The following IGF1R variants were observed in gnomAD, a reference collection of about 807,000 sequenced individuals.
The protein encoded by IGF1R is insulin-like growth factor 1 receptor.
A neutral mutation model predicts 144.6 loss-of-function variants in IGF1R; 44 were observed. That is an observed-to-expected ratio of 0.30 (90% confidence interval 0.24 to 0.39). The LOEUF is 0.39. IGF1R is among the 10% of genes least tolerant of loss of function. IGF1R has a pLI of 1.00. For synonymous variants in IGF1R, 795 were observed against 722.8 expected (o/e 1.10, Z -1.60); for missense variants, 1,355 against 1,833.7 (o/e 0.74, Z 4.77).
intron 1 of IGF1R, among the ~76,000 whole-genome samples, chr15:98,666,266 G>C (rs2052735499): frequency 6.6e-6 from 1 of 152,040 alleles, no homozygotes; most frequent in African/African-American, 2.4e-5. Flanking sequence ...TGCCTTACTG[G>C]TGAGACTGTT....
chr15:98,690,104 G>A (rs1266472188), intron 1 of IGF1R, among the ~76,000 whole-genome samples: 1 of 152,182 alleles, frequency 6.6e-6, no homozygotes. Flanking sequence ...CACTTTGGGA[G>A]ACTAAGACAG....
At chr15:98,864,530 C>T (rs140499268) in intron 2 of IGF1R, among the ~76,000 whole-genome samples, 5 of 152,326 alleles carry the variant, frequency 3.3e-5, no homozygotes, top group African/African-American at 9.6e-5. Context: ...ACTGCCACTA[C>T]AGGCGTGTGC....
intron 2 of IGF1R, among the ~76,000 whole-genome samples, chr15:98,735,503 C>T (rs952578982): frequency 2.0e-5 from 3 of 152,216 alleles, no homozygotes; most frequent in African/African-American, 4.8e-5. Context: ...GGTCTCTAGC[C>T]GTGATAGTGC....
chr15:98,683,957 G>A (rs2053256964), intron 1 of IGF1R, among the ~76,000 whole-genome samples: 1 of 152,142 alleles, frequency 6.6e-6, no homozygotes, highest in African/African-American at 2.4e-5. Flanking sequence ...GTAGATCTTT[G>A]GGATCCTCCT....
At position 98,922,160 on chromosome 15, in the gene IGF1R, G is replaced by A. The variant is rs1025059643; in HGVS notation, c.2214G>A (p.Lys738=). 1 of 1,614,192 alleles carries A rather than the reference G, an allele frequency of 6.2e-7. No individual in the cohort carries two copies. The highest frequency in any genetic ancestry group is 1.1e-5 in the South Asian group (1 of 91,084). ...CTCCTCCTTGCAGACCTGAAAGGAA[G>A]CGGAGAGATGTCATGCAAGTGGCCA... is the stretch of plus-strand genomic sequence containing the variant. The part of the protein sequence containing the change: ...NSIFVPRPER[K]RRDVMQVANT... The change falls in exon 11 of 21, where the codon AAG becomes AAA. Residue 738 remains lysine, a synonymous_variant. Transcript: ENST00000650285.
At chr15:98,784,727 A>G (rs2055948689) in intron 2 of IGF1R, among the ~76,000 whole-genome samples, 1 of 152,156 alleles carries the variant, frequency 6.6e-6, no homozygotes, top group African/African-American at 2.4e-5. Flanking sequence ...AAAAAAAATT[A>G]CAATACAACA....
At chr15:98,701,817 T>C (rs1179539682) in intron 1 of IGF1R, among the ~76,000 whole-genome samples, 1 of 152,190 alleles carries the variant, frequency 6.6e-6, no homozygotes, top group Non-Finnish European at 1.5e-5. Flanking sequence ...ACAAAATAGA[T>C]CAGTATTTCC....
intron 1 of IGF1R, among the ~76,000 whole-genome samples, chr15:98,651,341 A>G (rs973682758): frequency 6.6e-6 from 1 of 152,194 alleles, no homozygotes; most frequent in Non-Finnish European, 1.5e-5. Context: ...GACCTTCCAC[A>G]GATCTGGGCT....
chr15:98,797,439 T>C (rs1459928037), intron 2 of IGF1R, among the ~76,000 whole-genome samples: 1 of 152,242 alleles, frequency 6.6e-6, no homozygotes, highest in Admixed American at 6.5e-5. Context: ...TGACAGATGT[T>C]GGGCTGTTAT....
intron 2 of IGF1R, among the ~76,000 whole-genome samples, chr15:98,834,642 T>C (rs2057061353): frequency 6.6e-6 from 1 of 152,214 alleles, no homozygotes; most frequent in Non-Finnish European, 1.5e-5. Context: ...GGAATCTCTC[T>C]GAGAATCCTT....
At position 98,935,438 on chromosome 15, in the gene IGF1R, T is replaced by C. The variant is rs1429574377; in HGVS notation, c.3297+12T>C. 1.4e-6 allele frequency: 2 copies of C among 1,438,030 alleles called. No individual in the cohort carries two copies. The highest frequency in any genetic ancestry group is 5.0e-5 in the East Asian group (2 of 40,392). 89.1% of individuals were successfully genotyped at this position (1,438,030 alleles called of 1,614,324 possible). A position where few individuals can be genotyped will look rare whatever the true frequency, so the allele number is the denominator to read the frequency against. On this transcript the variant is annotated intron_variant, in intron 17 of 20. Coordinates refer to ENST00000650285, the MANE Select transcript of IGF1R (RefSeq NM_000875.5). The surrounding 1 kb of genome is among the most constrained non-coding windows in gnomAD (Gnocchi z 4.2). Reference sequence around the variant, plus strand: ...GGCCAGAAATGGAGGTCAGTTTTCATTTCCACCGGTATTGCATGTTGCCTG... The same window carrying C: ...GGCCAGAAATGGAGGTCAGTTTTCACTTCCACCGGTATTGCATGTTGCCTG...
chr15:98,649,717 T>G (rs1390005345), intron 1 of IGF1R, 42 bp downstream of exon 1: 1 of 1,442,122 alleles, frequency 6.9e-7, no homozygotes, highest in Non-Finnish European at 9.7e-7. Context: ...CGGGAACTTT[T>G]CCTCCGAGGG....
At chr15:98,870,784 C>CAG (rs1164896320) in intron 2 of IGF1R, among the ~76,000 whole-genome samples, 5 of 152,162 alleles carry the variant, frequency 3.3e-5, no homozygotes, top group African/African-American at 1.2e-4. Flanking sequence ...GATACAGGGT[C>CAG]AGAGAGGGGA....
chr15:98,719,954 A>G (rs1291137005), intron 2 of IGF1R, among the ~76,000 whole-genome samples: 3 of 152,198 alleles, frequency 2.0e-5, no homozygotes, highest in Non-Finnish European at 2.9e-5. Flanking sequence ...ATTAGAGAGA[A>G]ATGGTAATTG....
At chr15:98,686,059 C>G (rs951688124) in intron 1 of IGF1R, among the ~76,000 whole-genome samples, 1 of 152,218 alleles carries the variant, frequency 6.6e-6, no homozygotes, top group Non-Finnish European at 1.5e-5. Flanking sequence ...TTCCCCAAGT[C>G]TTTGGCAACC....
chr15:98,779,301 C>G (rs913015656), intron 2 of IGF1R, among the ~76,000 whole-genome samples: 1 of 152,200 alleles, frequency 6.6e-6, no homozygotes, highest in Non-Finnish European at 1.5e-5. Flanking sequence ...GCAATTGATT[C>G]TAAAATTTAG....
chr15:98,879,657 A>G (rs1168013757), intron 2 of IGF1R, among the ~76,000 whole-genome samples: 2 of 152,158 alleles, frequency 1.3e-5, no homozygotes, highest in African/African-American at 4.8e-5. Flanking sequence ...ATAGATTCTG[A>G]GGTCCAGATG....
chr15:98,728,794 G>T (rs190022050), intron 2 of IGF1R, among the ~76,000 whole-genome samples: 1 of 152,210 alleles, frequency 6.6e-6, no homozygotes, highest in South Asian at 2.1e-4. Flanking sequence ...TTCCTCTGGT[G>T]GAGAAGCCAG....
intron 2 of IGF1R, chr15:98,880,555 C>G (rs757604470): frequency 1.3e-5 from 2 of 152,264 alleles, no homozygotes; most frequent in Non-Finnish European, 2.9e-5. Flanking sequence ...TGAGAATCTA[C>G]TTGGAACTTG....
Sources: gnomAD v4.1 joint callset for allele counts (sites outside exome capture counted in the v4.1 genomes callset) on GRCh38, gnomAD v4.1.1 for gene constraint, Gnocchi (gnomAD v3.1) non-coding constraint, MANE v1.5 for transcripts, NCBI Gene and HGNC (gene_info 2026-07-23, HGNC 2026-07-21) for gene names.